Variants in ZFPM2 observed in about 807,000 individuals in gnomAD.
The protein encoded by ZFPM2 is zinc finger protein ZFPM2.
A neutral mutation model predicts 98.6 loss-of-function variants in ZFPM2; 20 were observed. The ratio of observed to expected loss-of-function variants is 0.20; its 90% CI spans 0.14 to 0.29. ZFPM2 has a LOEUF of 0.29. Among genes scored for constraint, ZFPM2 ranks in the 10% least tolerant of loss-of-function variants. ZFPM2 has a pLI of 1.00. For missense variants in ZFPM2, 1,310 were observed against 1,388.6 expected, an observed-to-expected ratio of 0.94 and a Z score of 0.90; for synonymous variants, 518 against 502.7, an observed-to-expected ratio of 1.03 and a Z score of -0.41.
At chr8:105,609,982 G>C (rs1816274416) in intron 4 of ZFPM2, among the ~76,000 whole-genome samples, 4 of 152,114 alleles carry the variant, frequency 2.6e-5, no homozygotes, top group Admixed American at 2.6e-4. Flanking sequence ...AGTCCAGATG[G>C]AACTACCACC....
At chr8:105,694,621 G>A (rs1810973834) in intron 5 of ZFPM2, among the ~76,000 whole-genome samples, 1 of 152,066 alleles carries the variant, frequency 6.6e-6, no homozygotes, top group South Asian at 2.1e-4. Context: ...ATCAATTCTT[G>A]TTTATTTGAT....
intron 3 of ZFPM2, among the ~76,000 whole-genome samples, chr8:105,532,062 G>T (rs981008585): frequency 6.6e-6 from 1 of 151,862 alleles, no homozygotes; most frequent in Admixed American, 6.6e-5. Flanking sequence ...CACCACACCT[G>T]GCTAATTTTT....
intron 2 of ZFPM2, among the ~76,000 whole-genome samples, chr8:105,439,403 A>G (rs1316752125): frequency 6.6e-6 from 1 of 152,162 alleles, no homozygotes; most frequent in Non-Finnish European, 1.5e-5. Context: ...AGCAATTAGG[A>G]GACTCAAATT....
At chr8:105,429,260 A>AGT (rs1811972097) in intron 2 of ZFPM2, among the ~76,000 whole-genome samples, 1 of 152,072 alleles carries the variant, frequency 6.6e-6, no homozygotes, top group Non-Finnish European at 1.5e-5. Flanking sequence ...AAGTTAGCCA[A>AGT]TACTGAGAAC....
At chr8:105,533,892 CCTTT>C (rs1814359647) in intron 3 of ZFPM2, among the ~76,000 whole-genome samples, 1 of 21,174 alleles carries the variant, frequency 4.7e-5, no homozygotes, top group East Asian at 1.2e-3. Context: ...TTCCTTCCTT[CCTTT>C]CTTCCTACCT....
At chr8:105,609,663 G>C (rs1486933482) in intron 4 of ZFPM2, among the ~76,000 whole-genome samples, 1 of 152,152 alleles carries the variant, frequency 6.6e-6, no homozygotes, top group Non-Finnish European at 1.5e-5. Context: ...GACAGTGCCT[G>C]ATGGATATTT....
intron 1 of ZFPM2, among the ~76,000 whole-genome samples, chr8:105,328,144 T>C (rs1457481602): frequency 6.6e-6 from 1 of 151,856 alleles, no homozygotes; most frequent in Non-Finnish European, 1.5e-5. Context: ...ACTTACATGA[T>C]TAAAGTATGC....
intron 4 of ZFPM2, among the ~76,000 whole-genome samples, chr8:105,625,663 C>T (rs1462422574): frequency 6.6e-6 from 1 of 151,838 alleles, no homozygotes; most frequent in East Asian, 1.9e-4. Context: ...TCACTGCAAC[C>T]TCCGCCTCCC....
At chr8:105,669,297 G>A (rs1817544770) in intron 5 of ZFPM2, among the ~76,000 whole-genome samples, 1 of 151,742 alleles carries the variant, frequency 6.6e-6, no homozygotes, top group Admixed American at 6.6e-5. Flanking sequence ...AATTCTCATA[G>A]CTCTAGGTCT....
chr8:105,460,554 G>A (rs1194382465), intron 3 of ZFPM2, among the ~76,000 whole-genome samples: 1 of 152,088 alleles, frequency 6.6e-6, no homozygotes, highest in African/African-American at 2.4e-5. Context: ...GGGTGAAATG[G>A]GGTTAGGAGT....
intron 5 of ZFPM2, among the ~76,000 whole-genome samples, chr8:105,744,385 CTCTTGCTTA>C (rs1412738372): frequency 1.3e-5 from 2 of 152,112 alleles, no homozygotes; most frequent in African/African-American, 2.4e-5. Flanking sequence ...ACCAGCACAT[CTCTTGCTTA>C]TCACATATGC....
In ZFPM2 at chr8:105,803,031, A is replaced by G. The variant is rs1455121486; in HGVS notation, c.2949A>G (p.Pro983=). Residue 983 remains proline, a synonymous_variant, in exon 8 of 8, where the codon CCA becomes CCG. Transcript: ENST00000407775. ...KKAKGADQLS[P]YYGIKPSDYI... ...CAAAAGGAGCCGACCAGCTTTCTCC[A>G]TATTATGGAATCAAGCCAAGTGATT... The G allele has an allele frequency of 4.3e-6, 7 of 1,613,310 alleles. No homozygotes were observed. The highest frequency in any genetic ancestry group is 2.2e-5 in the East Asian group (1 of 44,836).
chr8:105,573,871 G>T (rs1209070108), intron 4 of ZFPM2, among the ~76,000 whole-genome samples: 2 of 152,174 alleles, frequency 1.3e-5, no homozygotes, highest in Non-Finnish European at 2.9e-5. Context: ...ATTACTCAAA[G>T]TGGATGTGCT....
intron 5 of ZFPM2, among the ~76,000 whole-genome samples, chr8:105,664,634 C>T (rs1456042105): frequency 6.6e-6 from 1 of 152,158 alleles, no homozygotes; most frequent in African/African-American, 2.4e-5. Flanking sequence ...CGCACCTGGC[C>T]ATAAAATTCT....
At chr8:105,715,097 A>G (rs960394349) in intron 5 of ZFPM2, among the ~76,000 whole-genome samples, 10 of 152,156 alleles carry the variant, frequency 6.6e-5, no homozygotes, top group African/African-American at 1.2e-4. Flanking sequence ...TAGATTGGCT[A>G]TGGAATCAAA....
chr8:105,330,557 T>TATATATATATACAC (rs1812197396), intron 1 of ZFPM2, among the ~76,000 whole-genome samples: 3 of 120,822 alleles, frequency 2.5e-5, no homozygotes, highest in South Asian at 2.5e-4. Flanking sequence ...TATATACATA[T>TATATATATATACAC]ATATATATAT....
chr8:105,458,470 A>C (rs185889092), intron 3 of ZFPM2, among the ~76,000 whole-genome samples: 2 of 152,318 alleles, frequency 1.3e-5, no homozygotes, highest in African/African-American at 4.8e-5. Flanking sequence ...CATATTAATC[A>C]ATGAAGATTG....
chr8:105,494,228 A>ATATATATATAT (rs1813416920), intron 3 of ZFPM2, among the ~76,000 whole-genome samples: 1 of 78,602 alleles, frequency 1.3e-5, no homozygotes, highest in Non-Finnish European at 2.6e-5. Flanking sequence ...TATATATATA[A>ATATATATATAT]TCTCAAACTC....
intron 3 of ZFPM2, among the ~76,000 whole-genome samples, chr8:105,457,530 C>T (rs1812615815): frequency 6.6e-6 from 1 of 152,134 alleles, no homozygotes; most frequent in Admixed American, 6.5e-5. Flanking sequence ...GCTGCAGGTA[C>T]AGTGATAGAG....
Sources: allele counts gnomAD v4.1 joint callset (sites outside exome capture counted in the v4.1 genomes callset), GRCh38; gene constraint gnomAD v4.1.1; transcripts MANE v1.5; gene names NCBI Gene and HGNC (gene_info 2026-07-23, HGNC 2026-07-21).